PPIL1: variants seen among roughly 807,000 people sequenced by gnomAD.
The protein encoded by PPIL1 is peptidylprolyl isomerase like 1.
Under a neutral mutation model 19.4 loss-of-function variants are expected in PPIL1, and 14 were observed. The ratio of observed to expected loss-of-function variants is 0.72; its 90% CI spans 0.48 to 1.13. The LOEUF is 1.13. Among genes scored for constraint, PPIL1 ranks in the 50% most tolerant of loss-of-function variants. The pLI, the probability that PPIL1 is intolerant of heterozygous loss-of-function variation, is 0.00. For missense variants in PPIL1, 192 were observed against 218.0 expected (o/e 0.88, Z 0.75); for synonymous variants, 72 against 73.6 (o/e 0.98, Z 0.11).
At chr6:36,864,687 C>T (rs74366852) in intron 2 of PPIL1, among the ~76,000 whole-genome samples, 4 of 152,228 alleles carry the variant, frequency 2.6e-5, no homozygotes, top group South Asian at 2.1e-4. Context: ...GAAGCCATCA[C>T]GAAGCTAACC....
rs1423927052 is a variant in PPIL1 at position 36,855,521 on chromosome 6, T to C, written c.*292A>G. 2.0e-5 allele frequency: 8 copies of C among 398,686 alleles called. No homozygotes were observed. The highest frequency in any genetic ancestry group is 3.8e-5 in the Non-Finnish European group (8 of 211,432). 24.7% of individuals were successfully genotyped at this position (398,686 alleles called of 1,614,324 possible). A position where few individuals can be genotyped will look rare whatever the true frequency, so the allele number is the denominator to read the frequency against. On this transcript the variant is annotated 3_prime_UTR_variant, in exon 4 of 4. Transcript: ENST00000373699. ...TGGCTGCTACATTGTTCGACGTATA[T>C]CAGAGCAGACATGCACAAGAAGCAG...
At chr6:36,856,336 G>A (rs796360075) in intron 3 of PPIL1, among the ~76,000 whole-genome samples, 2 of 152,226 alleles carry the variant, frequency 1.3e-5, no homozygotes, top group South Asian at 4.1e-4. Context: ...TTTCTTTGAG[G>A]ACACTTTTGA....
At chr6:36,872,613 A>AT (rs564664124) in intron 1 of PPIL1, among the ~76,000 whole-genome samples, 12,990 of 146,826 alleles carry the variant, frequency 0.088, 713 homozygotes, top group Admixed American at 0.12. Flanking sequence ...GGATGTGACA[A>AT]TTTTTTTTTT....
intron 1 of PPIL1, 31 bp downstream of exon 1, chr6:36,874,686 C>G (rs1279370827): frequency 1.9e-6 from 3 of 1,612,142 alleles, no homozygotes; most frequent in Admixed American, 3.3e-5. Flanking sequence ...CGCGTCTCCT[C>G]TGCCAGCCCC....
intron 2 of PPIL1, among the ~76,000 whole-genome samples, chr6:36,863,259 C>T (rs1268607218): frequency 6.6e-6 from 1 of 152,180 alleles, no homozygotes; most frequent in East Asian, 1.9e-4. Context: ...AAATTTCCAC[C>T]ACTCCCTCGC....
In PPIL1 at chr6:36,864,741, T is replaced by C. The variant is rs899605956; in HGVS notation, c.211+6977A>G. Among the ~76,000 whole-genome samples, 14 of 152,276 alleles carry C rather than the reference T, an allele frequency of 9.2e-5. 1 individual carries two copies. Among genetic ancestry groups the C allele is most frequent in the Admixed American group, 6.5e-4 (10 of 15,294 alleles). On this transcript the variant is annotated intron_variant, in intron 2 of 3. Transcript: ENST00000373699. ...CAGCACCCCCTCCAACAAAGAATCATCCAGCTCTAAATGTCAATAGTGCCT... is the reference window on the plus strand; with the variant it reads ...CAGCACCCCCTCCAACAAAGAATCACCCAGCTCTAAATGTCAATAGTGCCT...
Position 36,855,598 on chromosome 6 carries a change from T to A in PPIL1, c.*215A>T, listed in dbSNP as rs936856503. ...TCACCTATTGATAAACAGGGGCATT[T>A]GTGCAAATGCTCTGGCAACCTAGGC... On this transcript the variant is annotated 3_prime_UTR_variant, in exon 4 of 4. Coordinates refer to ENST00000373699, the MANE Select transcript of PPIL1 (RefSeq NM_016059.5). The A allele has an allele frequency of 1.7e-6, 1 of 576,678 alleles. No homozygotes were observed. The highest frequency in any genetic ancestry group is 3.1e-6 in the Non-Finnish European group (1 of 323,270). The allele number at this position is 576,678 out of a possible 1,614,324, so 35.7% of individuals were successfully genotyped here.
At chr6:36,871,548 C>T (rs1483859830) in intron 2 of PPIL1, among the ~76,000 whole-genome samples, 170 bp downstream of exon 2, 4 of 152,010 alleles carry the variant, frequency 2.6e-5, no homozygotes, top group Non-Finnish European at 5.9e-5. Context: ...GGAAGGCAGG[C>T]GTTGTCACCA....
At chr6:36,872,049 T>A in intron 1 of PPIL1, 177 bp from the exon 2 acceptor site, 1 of 542,668 alleles carries the variant, frequency 1.8e-6, no homozygotes, top group Non-Finnish European at 3.0e-6. Context: ...TAAACACCCA[T>A]TATCTTTTTT....
Position 36,856,669 on chromosome 6 carries a change from G to T in PPIL1, c.212-15C>A. ...ACCACCTCGACCTGCCCGATTGGAA[G>T]ATGACACATGAATCAGCCAGTCACA... On this transcript the variant is annotated splice_polypyrimidine_tract_variant and intron_variant, in intron 2 of 3. Transcript: ENST00000373699. 1 of 1,611,544 alleles carries T rather than the reference G, an allele frequency of 6.2e-7. No homozygotes were observed. Among genetic ancestry groups the T allele is most frequent in the Non-Finnish European group, 8.5e-7 (1 of 1,177,672 alleles).
intron 2 of PPIL1, among the ~76,000 whole-genome samples, chr6:36,863,233 C>T (rs1774325632): frequency 6.6e-6 from 1 of 152,208 alleles, no homozygotes; most frequent in African/African-American, 2.4e-5. Context: ...TGGGTTTATT[C>T]AGTTCCTCTG....
chr6:36,873,475 G>A (rs1325295414), intron 1 of PPIL1, among the ~76,000 whole-genome samples: 1 of 152,192 alleles, frequency 6.6e-6, no homozygotes, highest in African/African-American at 2.4e-5. Flanking sequence ...AAACATGAGA[G>A]AGGTTTATAT....
chr6:36,862,599 G>T (rs559372301), intron 2 of PPIL1, among the ~76,000 whole-genome samples: 56 of 152,342 alleles, frequency 3.7e-4, no homozygotes, highest in African/African-American at 1.3e-3. Flanking sequence ...AACAGCAGCA[G>T]CCATCTTGCA....
chr6:36,874,565 C>T, intron 1 of PPIL1, 152 bp downstream of exon 1: 2 of 1,071,432 alleles, frequency 1.9e-6, no homozygotes, highest in African/African-American at 3.2e-5. Context: ...TGGCGGTCCC[C>T]TCTCAACCCT....
intron 2 of PPIL1, among the ~76,000 whole-genome samples, chr6:36,865,546 T>C (rs909052000): frequency 6.6e-5 from 10 of 152,176 alleles, no homozygotes; most frequent in Non-Finnish European, 1.2e-4. Context: ...TGCATGCCTC[T>C]GTCACTCCTG....
chr6:36,856,127 G>A, intron 3 of PPIL1, 94 bp from the exon 4 acceptor site: 1 of 1,377,938 alleles, frequency 7.3e-7, no homozygotes, highest in Non-Finnish European at 9.9e-7. Flanking sequence ...AAAGCAGCCA[G>A]GACTTTGTTC....
chr6:36,859,811 TTGTGTG>T (rs71880744), intron 2 of PPIL1, among the ~76,000 whole-genome samples: 36 of 144,984 alleles, frequency 2.5e-4, no homozygotes, highest in South Asian at 4.5e-4. Context: ...CTGTTTTCTA[TTGTGTG>T]TGTGTGTGTG....
At chr6:36,862,830 GT>G (rs1774317707) in intron 2 of PPIL1, among the ~76,000 whole-genome samples, 1 of 152,224 alleles carries the variant, frequency 6.6e-6, no homozygotes, top group Non-Finnish European at 1.5e-5. Flanking sequence ...CAAACACTTT[GT>G]TAATATACCA....
At chr6:36,870,496 C>T (rs1774486706) in intron 2 of PPIL1, among the ~76,000 whole-genome samples, 2 of 152,194 alleles carry the variant, frequency 1.3e-5, no homozygotes, top group East Asian at 1.9e-4. Context: ...AGCATCTGTA[C>T]TGAACATGTA....
Sources: gnomAD v4.1 joint callset for allele counts (sites outside exome capture counted in the v4.1 genomes callset) on GRCh38, gnomAD v4.1.1 for gene constraint, MANE v1.5 for transcripts, NCBI Gene and HGNC (gene_info 2026-07-23, HGNC 2026-07-21) for gene names.